TOP1: variants seen among roughly 807,000 people sequenced by gnomAD.
TOP1 encodes the protein DNA topoisomerase I.
A neutral mutation model predicts 111.1 loss-of-function variants in TOP1; 10 were observed. That is an observed-to-expected ratio of 0.09 (90% CI 0.06 to 0.15). The LOEUF (loss-of-function observed/expected upper bound fraction) is 0.15. Among genes scored for constraint, TOP1 ranks in the 10% least tolerant of loss-of-function variants. TOP1 has a pLI of 1.00. For missense variants in TOP1, 474 were observed against 926.7 expected (o/e 0.51, Z 6.34); for synonymous variants, 271 against 302.9 (o/e 0.89, Z 1.10).
chr20:41,086,015 C>A (rs1225011389), intron 8 of TOP1, among the ~76,000 whole-genome samples: 1 of 152,168 alleles, frequency 6.6e-6, no homozygotes, highest in Admixed American at 6.5e-5. Context: ...GTAATCCCAG[C>A]ACTTTGGGAG....
rs1021787488 is a variant in TOP1 at position 41,114,248 on chromosome 20, C to A, written c.1638+93C>A. ...TTTGTGTGCTTTGCACTTTGCTGGGCACCAGCAAAAGTGACTTGAGACAGG... is the reference window on the plus strand; with the variant it reads ...TTTGTGTGCTTTGCACTTTGCTGGGAACCAGCAAAAGTGACTTGAGACAGG... On this transcript the variant is annotated intron_variant, in intron 15 of 20. Coordinates refer to ENST00000361337, the MANE Select transcript of TOP1 (RefSeq NM_003286.4). The surrounding 1 kb of genome is among the most constrained non-coding windows in gnomAD (Gnocchi z 4.5). The A allele has an allele frequency of 1.3e-5, 15 of 1,156,094 alleles. No individual in the cohort carries two copies. The highest frequency in any genetic ancestry group is 1.5e-5 in the Non-Finnish European group (12 of 800,456). The allele number at this position is 1,156,094 out of a possible 1,614,324, so 71.6% of individuals were successfully genotyped here. A position where few individuals can be genotyped will look rare whatever the true frequency, so the allele number is the denominator to read the frequency against.
chr20:41,115,388 A>G lies in TOP1; in HGVS notation c.1656A>G (p.Gln552=). 6.2e-7 allele frequency: 1 copy of G among 1,612,282 alleles called. No individual in the cohort carries two copies. Among genetic ancestry groups the G allele is most frequent in the Non-Finnish European group, 8.5e-7 (1 of 1,178,542 alleles). The change falls in exon 16 of 21, where the codon CAA becomes CAG. Residue 552 remains glutamine (Q), a synonymous_variant. Transcript: ENST00000361337. This position sits in a 1 kb window ranked among gnomAD's most constrained non-coding sequence, Gnocchi z 6.3. The part of the protein sequence containing the change: ...PVEKRVFKNL[Q]LFMENKQPED... ...TCTTTTAGGTTTTTAAGAACCTACA[A>G]CTATTTATGGAGAACAAGCAGCCCG... is the stretch of plus-strand genomic sequence containing the variant.
chr20:41,102,329 G>T lies in TOP1; in HGVS notation c.1308+976G>T, dbSNP rs769593820. Among the ~76,000 whole-genome samples, 9 of 152,130 alleles carry T rather than the reference G, an allele frequency of 5.9e-5. No homozygotes were observed. Among genetic ancestry groups the T allele is most frequent in the Non-Finnish European group, 1.2e-4 (8 of 68,026 alleles). On this transcript the variant is annotated intron_variant, in intron 13 of 20. Coordinates refer to ENST00000361337, the MANE Select transcript of TOP1 (RefSeq NM_003286.4). This position sits in a 1 kb window ranked among gnomAD's most constrained non-coding sequence, Gnocchi z 4.0. ...TCCAATTATAAAATATACTTTTCTG[G>T]CTGGGTGTGGTGGCTCAAGCCTGTA... is the stretch of plus-strand genomic sequence containing the variant.
chr20:41,062,645 T>C (rs1287750439), intron 3 of TOP1, among the ~76,000 whole-genome samples: 1 of 152,202 alleles, frequency 6.6e-6, no homozygotes, highest in Non-Finnish European at 1.5e-5. Context: ...TGCATAATGA[T>C]AAAAGGGACC....
intron 13 of TOP1, among the ~76,000 whole-genome samples, chr20:41,105,434 TA>T (rs2034130613): frequency 6.6e-6 from 1 of 152,220 alleles, no homozygotes; most frequent in Admixed American, 6.5e-5. Flanking sequence ...CACTTTTAAT[TA>T]ATCCATTTTA....
intron 3 of TOP1, among the ~76,000 whole-genome samples, chr20:41,074,307 A>G (rs1348129613): frequency 2.0e-5 from 3 of 152,208 alleles, no homozygotes; most frequent in Non-Finnish European, 2.9e-5. Flanking sequence ...TTCCAAGAAC[A>G]AAAAGCATGG....
At chr20:41,039,291 G>A (rs2033229749) in intron 2 of TOP1, among the ~76,000 whole-genome samples, 1 of 152,138 alleles carries the variant, frequency 6.6e-6, no homozygotes, top group Non-Finnish European at 1.5e-5. Flanking sequence ...TCAGTACAAA[G>A]GCTGCTGTCA....
In TOP1 at chr20:41,028,918, C is replaced by G. The variant is rs1157924225; in HGVS notation, c.-150C>G. The G allele has an allele frequency of 1.4e-5, 9 of 624,652 alleles. No homozygotes were observed. The highest frequency in any genetic ancestry group is 2.2e-5 in the Non-Finnish European group (8 of 364,066). 38.7% of individuals were successfully genotyped at this position (624,652 alleles called of 1,614,324 possible). On this transcript the variant is annotated 5_prime_UTR_variant, in exon 1 of 21. Coordinates refer to ENST00000361337, the MANE Select transcript of TOP1 (RefSeq NM_003286.4). Reference sequence around the variant, plus strand: ...TCGCCGCCGTGGTAGCAGCCTCAGCCGTTTCTGGAGTCTCGGGCCCACAGT... The same window carrying G: ...TCGCCGCCGTGGTAGCAGCCTCAGCGGTTTCTGGAGTCTCGGGCCCACAGT...
intron 2 of TOP1, among the ~76,000 whole-genome samples, chr20:41,056,464 CA>C (rs2145924227): frequency 6.6e-6 from 1 of 152,224 alleles, no homozygotes; most frequent in Admixed American, 6.5e-5. Context: ...ACACCTTTCA[CA>C]GCACACATAG....
Position 41,116,427 on chromosome 20 carries a change from C to T in TOP1, c.1822+35C>T, listed in dbSNP as rs759585552. The T allele has an allele frequency of 1.6e-5, 24 of 1,509,656 alleles. No homozygotes were observed. The South Asian group carries it at 2.7e-4, about 17-fold the overall frequency. 93.5% of individuals were successfully genotyped at this position (1,509,656 alleles called of 1,614,324 possible). A position where few individuals can be genotyped will look rare whatever the true frequency, so the allele number is the denominator to read the frequency against. ...GCTTGGCCAGATAGGGCCCACACCC[C>T]TACTAATGGTATCCGGTGACCTTGC... On this transcript the variant is annotated intron_variant, in intron 17 of 20. Transcript: ENST00000361337. The surrounding 1 kb of genome is among the most constrained non-coding windows in gnomAD (Gnocchi z 5.6).
chr20:41,111,294 T>G (rs2145962404), intron 13 of TOP1, among the ~76,000 whole-genome samples: 1 of 152,310 alleles, frequency 6.6e-6, no homozygotes, highest in Admixed American at 6.5e-5. Context: ...ACAGCTTATA[T>G]CTCACCTTTT....
intron 8 of TOP1, among the ~76,000 whole-genome samples, chr20:41,089,977 T>A (rs541150854): frequency 2.6e-5 from 4 of 151,030 alleles, no homozygotes; most frequent in African/African-American, 9.7e-5. Flanking sequence ...CCCCCACGTG[T>A]TTTTTTTTGT....
rs559342742 is a variant in TOP1 at position 41,079,110 on chromosome 20, A to G, written c.336-975A>G. Among the ~76,000 whole-genome samples, 4 of 152,316 alleles carry G rather than the reference A, an allele frequency of 2.6e-5. 1 individual carries two copies. In the South Asian group the frequency reaches 8.3e-4, roughly 32 times the overall value. ...CTAAAATAAGTTCTTTAAACATTCA[A>G]ATTCTATCACAAGCAAGGGGACCCA... On this transcript the variant is annotated intron_variant, in intron 5 of 20. Transcript: ENST00000361337. The surrounding 1 kb of genome is among the most constrained non-coding windows in gnomAD (Gnocchi z 4.0).
chr20:41,037,520 A>G (rs2033204188), intron 2 of TOP1, among the ~76,000 whole-genome samples: 2 of 152,254 alleles, frequency 1.3e-5, no homozygotes, highest in South Asian at 4.1e-4. Flanking sequence ...TCTTTGAAAT[A>G]GTAATTCTTG....
At position 41,100,380 on chromosome 20, in the gene TOP1, G is replaced by T; in HGVS notation, c.1163+137G>T. ...GAGCAGGACAGTATTTCATGCGTAG[G>T]TCTCCAGATGTTTTTGAGGTACAGT... is the stretch of plus-strand genomic sequence containing the variant. On this transcript the variant is annotated intron_variant, in intron 12 of 20. Transcript: ENST00000361337. The surrounding 1 kb of genome is among the most constrained non-coding windows in gnomAD (Gnocchi z 4.4). 1.6e-6 allele frequency: 1 copy of T among 630,940 alleles called. No homozygotes were observed. The highest frequency in any genetic ancestry group is 2.6e-6 in the Non-Finnish European group (1 of 387,730). The allele number at this position is 630,940 out of a possible 1,614,324, so 39.1% of individuals were successfully genotyped here. A position where few individuals can be genotyped will look rare whatever the true frequency, so the allele number is the denominator to read the frequency against.
rs1318655560 is a variant in TOP1, at chr20:41,114,427, A to G, written c.1638+272A>G. 6.6e-6 allele frequency among the ~76,000 whole-genome samples: 1 copy of G among 152,260 alleles called. No individual in the cohort carries two copies. The highest frequency in any genetic ancestry group is 1.5e-5 in the Non-Finnish European group (1 of 68,038). On this transcript the variant is annotated intron_variant, in intron 15 of 20. Transcript: ENST00000361337. This position sits in a 1 kb window ranked among gnomAD's most constrained non-coding sequence, Gnocchi z 4.5. Reference sequence around the variant, plus strand: ...GCAAAATAGTGAGACCTTGCCTCTCATATTAAAATAAATAAAAATAAATGA... The same window carrying G: ...GCAAAATAGTGAGACCTTGCCTCTCGTATTAAAATAAATAAAAATAAATGA...
intron 2 of TOP1, among the ~76,000 whole-genome samples, chr20:41,044,003 G>A (rs113012695): frequency 1.3e-5 from 2 of 152,218 alleles, no homozygotes; most frequent in African/African-American, 4.8e-5. Flanking sequence ...CCAGCCGGGC[G>A]TGGTGGCTCA....
intron 4 of TOP1, among the ~76,000 whole-genome samples, 176 bp downstream of exon 4, chr20:41,076,470 A>G (rs1231531215): frequency 6.6e-6 from 1 of 152,206 alleles, no homozygotes. Context: ...TTTTACCACC[A>G]TATGTTTCAC....
rs886632528 is a variant in TOP1 at position 41,098,524 on chromosome 20, T to C, written c.975+187T>C. The C allele has an allele frequency of 1.6e-6, 1 of 619,246 alleles. No individual in the cohort carries two copies. 38.4% of individuals were successfully genotyped at this position (619,246 alleles called of 1,614,324 possible). On this transcript the variant is annotated intron_variant, in intron 11 of 20. Coordinates refer to ENST00000361337, the MANE Select transcript of TOP1 (RefSeq NM_003286.4). The surrounding 1 kb of genome is among the most constrained non-coding windows in gnomAD (Gnocchi z 5.7). ...AGTTAGACTGAAAATTGTGAACAAGTACTTTGCTCAGTAGCTCTGTACAGG... is the reference window on the plus strand; with the variant it reads ...AGTTAGACTGAAAATTGTGAACAAGCACTTTGCTCAGTAGCTCTGTACAGG...
Sources: allele counts gnomAD v4.1 joint callset (sites outside exome capture counted in the v4.1 genomes callset), GRCh38; gene constraint gnomAD v4.1.1; non-coding constraint Gnocchi (gnomAD v3.1); transcripts MANE v1.5; gene names NCBI Gene and HGNC (gene_info 2026-07-23, HGNC 2026-07-21).